Variants in SNX30 observed in about 807,000 individuals in gnomAD.
SNX30 encodes the protein sorting nexin-30.
In SNX30, 24 loss-of-function variants were observed where a neutral mutation model predicts 46.4. The observed-to-expected ratio is 0.52, with a 90% CI of 0.37 to 0.73. The LOEUF (loss-of-function observed/expected upper bound fraction) is 0.73, where lower values mean the gene tolerates loss of function less well. Among genes scored for constraint, SNX30 ranks in the 30% least tolerant of loss-of-function variants. The pLI is 0.00. For missense variants in SNX30, 533 were observed against 555.7 expected, an observed-to-expected ratio of 0.96 and a Z score of 0.41; for synonymous variants, 189 against 211.5, an observed-to-expected ratio of 0.89 and a Z score of 0.92.
At chr9:112,837,160 T>C (rs1391469395) in intron 5 of SNX30, among the ~76,000 whole-genome samples, 1 of 152,230 alleles carries the variant, frequency 6.6e-6, no homozygotes, top group Non-Finnish European at 1.5e-5. Flanking sequence ...GGCAAGACTC[T>C]TGGTGACAAA....
At chr9:112,883,353 T>C (rs1841605168), downstream of SNX30, among the ~76,000 whole-genome samples, 1 of 152,148 alleles carries the variant, frequency 6.6e-6, no homozygotes, top group Non-Finnish European at 1.5e-5. Context: ...CCAGGTGCAA[T>C]GCATGTAGTG....
chr9:112,770,237 T>C (rs1413736945), intron 1 of SNX30, among the ~76,000 whole-genome samples: 2 of 151,976 alleles, frequency 1.3e-5, no homozygotes, highest in African/African-American at 4.8e-5. Context: ...TGTGGTGCGG[T>C]TTCGACTCAC....
At chr9:112,865,661 A>ATATATATATATATATATATGTG in intron 8 of SNX30, among the ~76,000 whole-genome samples, 1 of 105,702 alleles carries the variant, frequency 9.5e-6, no homozygotes, top group African/African-American at 3.8e-5. Context: ...ATATATATAT[A>ATATATATATATATATATATGTG]TGTATGTATG....
intron 1 of SNX30, among the ~76,000 whole-genome samples, chr9:112,792,747 G>T (rs1490005712): frequency 6.6e-6 from 1 of 152,116 alleles, no homozygotes; most frequent in Non-Finnish European, 1.5e-5. Context: ...TTTCTATATT[G>T]TTCAGATTTC....
intron 1 of SNX30, among the ~76,000 whole-genome samples, chr9:112,796,490 T>C (rs1170192565): frequency 1.3e-5 from 2 of 152,140 alleles, no homozygotes; most frequent in African/African-American, 2.4e-5. Context: ...GCTGCTGTAG[T>C]TGGACTCTGC....
At chr9:112,857,588 C>T (rs1841154869) in intron 7 of SNX30, among the ~76,000 whole-genome samples, 1 of 152,186 alleles carries the variant, frequency 6.6e-6, no homozygotes, top group African/African-American at 2.4e-5. Context: ...TTCCTCCACA[C>T]TTTGGGATTA....
intron 6 of SNX30, among the ~76,000 whole-genome samples, chr9:112,844,264 C>T (rs897050792): frequency 2.6e-5 from 4 of 151,986 alleles, no homozygotes; most frequent in East Asian, 1.9e-4. Flanking sequence ...TTTATTGGGA[C>T]GGGGAGGGTC....
chr9:112,817,965 C>A, intron 3 of SNX30, 150 bp downstream of exon 3: 1 of 573,460 alleles, frequency 1.7e-6, no homozygotes, highest in Admixed American at 3.1e-5. Context: ...CAATACTTCA[C>A]CTATTAGGTT....
rs143152305 is a variant in SNX30, at chr9:112,828,064, A to G, written c.460-2661A>G. Among the ~76,000 whole-genome samples the G allele has an allele frequency of 1.2e-4, 18 of 152,364 alleles. No individual in the cohort carries two copies. The East Asian group carries it at 3.5e-3, about 29-fold the overall frequency. ...TGGACAATTTGTCACACAGTCAGTT[A>G]TATAGTGCGTGACTATGGAACAGTA... On this transcript the variant is annotated intron_variant, in intron 3 of 8. Transcript: ENST00000374232.
rs527819069 is a variant in SNX30 at position 112,806,289 on chromosome 9, A to G, written c.348+1322A>G. Among the ~76,000 whole-genome samples the G allele has an allele frequency of 8.5e-5, 13 of 152,270 alleles. No homozygotes were observed. The East Asian group carries it at 2.1e-3, about 25-fold the overall frequency. ...GCCACATATTTAGAGGAAGAATGAC[A>G]ATATTGACATTATTAGGGAGAGAAT... On this transcript the variant is annotated intron_variant, in intron 2 of 8. Coordinates refer to ENST00000374232, the MANE Select transcript of SNX30 (RefSeq NM_001012994.2).
downstream of SNX30, among the ~76,000 whole-genome samples, chr9:112,883,378 T>C (rs1419441378): frequency 6.6e-6 from 1 of 152,162 alleles, no homozygotes; most frequent in African/African-American, 2.4e-5. Flanking sequence ...GGAAAGACAG[T>C]CTGGCTTCCT....
rs1279442088 is a variant in SNX30 at position 112,774,844 on chromosome 9, CT to C, written c.156+23704del. On this transcript the variant is annotated intron_variant, in intron 1 of 8. Transcript: ENST00000374232. ...ATATATGTTCTGAGTTATTTATATG[CT>C]TTTTTTTTTTTTTTTTGAGACAGTG... 4.0e-3 allele frequency among the ~76,000 whole-genome samples: 513 copies of C among 128,750 alleles called. 2 individuals carry two copies. Among genetic ancestry groups the C allele is most frequent in the Middle Eastern group, 8.0e-3 (2 of 250 alleles). 84.5% of individuals were successfully genotyped at this position (128,750 alleles called of 152,430 possible). A position where few individuals can be genotyped will look rare whatever the true frequency, so the allele number is the denominator to read the frequency against.
intron 2 of SNX30, among the ~76,000 whole-genome samples, chr9:112,811,664 A>G (rs1366578428): frequency 2.6e-5 from 4 of 152,112 alleles, no homozygotes; most frequent in South Asian, 4.1e-4. Flanking sequence ...CTTGACTATG[A>G]TTCTTGTGCT....
chr9:112,879,841 A>G (rs1490753002), downstream of SNX30: 6 of 1,605,548 alleles, frequency 3.7e-6, no homozygotes, highest in Admixed American at 1.0e-4. Context: ...GACCATAGAG[A>G]GTTACAAGAG....
chr9:112,879,966 G>T, downstream of SNX30: 1 of 623,074 alleles, frequency 1.6e-6, no homozygotes, highest in Non-Finnish European at 2.9e-6. Flanking sequence ...GGTGCACTGT[G>T]ACCCATCTCC....
chr9:112,859,832 T>C (rs1465691626), intron 7 of SNX30, among the ~76,000 whole-genome samples: 1 of 152,068 alleles, frequency 6.6e-6, no homozygotes, highest in African/African-American at 2.4e-5. Flanking sequence ...TTATTTTTTT[T>C]AATAGTAGCC....
rs1322160428 is a variant in SNX30, at chr9:112,830,843, T to TA, written c.578_579insA (p.Ser194ValfsTer4). The TA allele has an allele frequency of 1.2e-6, 2 of 1,613,276 alleles. No homozygotes were observed. Among genetic ancestry groups the TA allele is most frequent in the Non-Finnish European group, 1.7e-6 (2 of 1,179,756 alleles). On this transcript the variant is annotated frameshift_variant, in exon 4 of 9. Transcript: ENST00000374232. LOFTEE classifies it high-confidence loss of function. Reference sequence around the variant, plus strand: ...AAAAGAATTACGGACCATCCTGTGCTGTCTTTCAATGAACACTTTAATATT... The same window carrying TA: ...AAAAGAATTACGGACCATCCTGTGCTAGTCTTTCAATGAACACTTTAATATT...
intron 1 of SNX30, among the ~76,000 whole-genome samples, chr9:112,781,565 G>A (rs1477861035): frequency 6.6e-6 from 1 of 152,102 alleles, no homozygotes; most frequent in African/African-American, 2.4e-5. Flanking sequence ...GGGTGTATCT[G>A]TCCAGCTGCC....
chr9:112,863,274 C>T (rs1020965820), intron 7 of SNX30, among the ~76,000 whole-genome samples: 18 of 152,216 alleles, frequency 1.2e-4, no homozygotes, highest in African/African-American at 4.3e-4. Context: ...GGCCCCAGCA[C>T]ACCAAACATA....
Sources: gnomAD v4.1 joint callset for allele counts (sites outside exome capture counted in the v4.1 genomes callset) on GRCh38, gnomAD v4.1.1 for gene constraint, MANE v1.5 for transcripts, NCBI Gene and HGNC (gene_info 2026-07-23, HGNC 2026-07-21) for gene names.